The following BUB1 variants were observed in gnomAD, a reference collection of about 807,000 sequenced individuals.
The protein encoded by BUB1 is mitotic checkpoint serine/threonine-protein kinase BUB1.
BUB1 carries 84 observed loss-of-function variants against 135.2 expected under a neutral mutation model. The ratio of observed to expected loss-of-function variants is 0.62; its 90% CI spans 0.52 to 0.74. The LOEUF is 0.74. Ranked by LOEUF, BUB1 falls within the 30% of genes least tolerant of loss-of-function variation. The probability of loss-of-function intolerance (pLI) is 0.00; values close to 1 mark genes in which losing one functional copy is unlikely to be tolerated. For synonymous variants in BUB1, 403 were observed against 434.4 expected (o/e 0.93, Z 0.90); for missense variants, 1,162 against 1,288.3 (o/e 0.90, Z 1.50).
chr2:110,652,282 C>T (rs909853508), intron 17 of BUB1, among the ~76,000 whole-genome samples: 2 of 152,102 alleles, frequency 1.3e-5, no homozygotes, highest in African/African-American at 2.4e-5. Context: ...CTCAGCCTTC[C>T]GGTTCCAGCT....
chr2:110,642,956 T>C (rs1266666127), intron 19 of BUB1, among the ~76,000 whole-genome samples: 1 of 152,170 alleles, frequency 6.6e-6, no homozygotes, highest in Non-Finnish European at 1.5e-5. Context: ...CCTCCCAAAG[T>C]GTTGGGATTA....
chr2:110,642,111 T>C lies in BUB1; in HGVS notation c.2463+8A>G, dbSNP rs766243053. 2 of 1,580,974 alleles carry C rather than the reference T, an allele frequency of 1.3e-6. No homozygotes were observed. Among genetic ancestry groups the C allele is most frequent in the African/African-American group, 2.7e-5 (2 of 73,638 alleles). ...TATATCATACAAAAGACAACTCAGGTCATTTACCTTTAAAACAAATTTCTG... is the reference window on the plus strand; with the variant it reads ...TATATCATACAAAAGACAACTCAGGCCATTTACCTTTAAAACAAATTTCTG... On this transcript the variant is annotated splice_region_variant and intron_variant, in intron 20 of 24. Transcript: ENST00000302759.
intron 19 of BUB1, among the ~76,000 whole-genome samples, chr2:110,645,944 T>C (rs980833559): frequency 1.3e-5 from 2 of 151,984 alleles, no homozygotes; most frequent in African/African-American, 2.4e-5. Context: ...TGTCAAAATA[T>C]GTGAGTCAAA....
At chr2:110,659,847 T>C (rs1015901097) in intron 11 of BUB1, 131 bp downstream of exon 11, 1 of 569,180 alleles carries the variant, frequency 1.8e-6, no homozygotes, top group Non-Finnish European at 3.0e-6. Flanking sequence ...TAACCTATAC[T>C]CTAAGAATAG....
chr2:110,674,235 A>G lies in BUB1; in HGVS notation c.87-11T>C, dbSNP rs1690511086. 6.2e-7 allele frequency: 1 copy of G among 1,610,966 alleles called. No individual in the cohort carries two copies. The highest frequency in any genetic ancestry group is 1.3e-5 in the African/African-American group (1 of 74,810). Reference sequence around the variant, plus strand: ...ACCCACTGTATGTATCTAGAAAAATATGGATAATGTTAATTTTCCATGGGG... The same window carrying G: ...ACCCACTGTATGTATCTAGAAAAATGTGGATAATGTTAATTTTCCATGGGG... On this transcript the variant is annotated splice_polypyrimidine_tract_variant and intron_variant, in intron 2 of 24. Transcript: ENST00000302759.
chr2:110,652,746 A>G (rs1035349207), intron 17 of BUB1, among the ~76,000 whole-genome samples: 1 of 152,234 alleles, frequency 6.6e-6, no homozygotes, highest in African/African-American at 2.4e-5. Context: ...TTATACAAAT[A>G]AATTTATACA....
chr2:110,664,764 T>C (rs546645511), intron 9 of BUB1, among the ~76,000 whole-genome samples: 1 of 149,298 alleles, frequency 6.7e-6, no homozygotes, highest in South Asian at 2.1e-4. Flanking sequence ...TCCAAACAAA[T>C]CAGAAAAAAA....
intron 9 of BUB1, among the ~76,000 whole-genome samples, chr2:110,665,356 T>C (rs983026958): frequency 2.0e-5 from 3 of 151,968 alleles, no homozygotes; most frequent in African/African-American, 7.3e-5. Flanking sequence ...GGCAAGAGGA[T>C]CGCTTGAGCC....
chr2:110,656,991 G>T (rs1689950955), intron 15 of BUB1, 45 bp downstream of exon 15: 14 of 1,414,840 alleles, frequency 9.9e-6, no homozygotes, highest in Non-Finnish European at 1.3e-5. Context: ...GAATAAAGCG[G>T]ATGGGTTGTA....
chr2:110,678,013 C>A lies in BUB1; in HGVS notation c.-18G>T. 1 of 1,602,140 alleles carries A rather than the reference C, an allele frequency of 6.2e-7. No individual in the cohort carries two copies. Among genetic ancestry groups the A allele is most frequent in the African/African-American group, 1.3e-5 (1 of 74,800 alleles). ...GTGTCCATGGCCAGAGGACGCTGGC[C>A]GGCAGCGGCCAAACCTGAACCGCAA... On this transcript the variant is annotated 5_prime_UTR_variant, in exon 1 of 25. Transcript: ENST00000302759.
chr2:110,645,883 A>C (rs1689633042), intron 19 of BUB1, among the ~76,000 whole-genome samples: 1 of 152,060 alleles, frequency 6.6e-6, no homozygotes, highest in Non-Finnish European at 1.5e-5. Context: ...TATAATGTTA[A>C]AGGGATTAAT....
At chr2:110,656,977 G>T in intron 15 of BUB1, 59 bp downstream of exon 15, 3 of 1,268,630 alleles carry the variant, frequency 2.4e-6, no homozygotes, top group Non-Finnish European at 3.4e-6. Flanking sequence ...ATAATCATTT[G>T]GTAGAATAAA....
intron 24 of BUB1, among the ~76,000 whole-genome samples, chr2:110,639,180 G>C (rs1190222598): frequency 6.6e-6 from 1 of 151,976 alleles, no homozygotes; most frequent in Non-Finnish European, 1.5e-5. Flanking sequence ...AGCCATCCAT[G>C]TTGACAGGAA....
At chr2:110,676,903 C>T (rs1690605391) in intron 1 of BUB1, among the ~76,000 whole-genome samples, 1 of 151,814 alleles carries the variant, frequency 6.6e-6, no homozygotes, top group Non-Finnish European at 1.5e-5. Context: ...GTCATATAAA[C>T]GCATTGCTTA....
intron 15 of BUB1, 137 bp from the exon 16 acceptor site, chr2:110,656,053 C>A (rs1257463614): frequency 4.2e-6 from 3 of 721,348 alleles, no homozygotes; most frequent in Non-Finnish European, 6.6e-6. Flanking sequence ...TAATACAGCC[C>A]ACAATATCAT....
In BUB1 at chr2:110,674,288, A is replaced by T; in HGVS notation, c.86+18T>A. 1 of 1,613,944 alleles carries T rather than the reference A, an allele frequency of 6.2e-7. No individual in the cohort carries two copies. ...GTGTATAGTTTGTTTAAGGGAAATA[A>T]AATAACTAAATGCTGACCTTTCCCA... is the stretch of plus-strand genomic sequence containing the variant. On this transcript the variant is annotated intron_variant, in intron 2 of 24. Transcript: ENST00000302759.
chr2:110,651,392 A>C (rs971014845), intron 17 of BUB1, among the ~76,000 whole-genome samples: 19 of 152,330 alleles, frequency 1.2e-4, no homozygotes, highest in African/African-American at 4.6e-4. Context: ...AAAAAGTGAA[A>C]AAAAAAATTT....
rs532956783 is a variant in BUB1, at chr2:110,644,047, A to C, written c.2348-1813T>G. On this transcript the variant is annotated intron_variant, in intron 19 of 24. Transcript: ENST00000302759. ...GAAGATAGGCCAATAAAAACTTCCA[A>C]AACTGAAATGCAAAAAAAAAAAAAA... Among the ~76,000 whole-genome samples the C allele has an allele frequency of 3.3e-4, 49 of 147,102 alleles. 1 individual carries two copies. Among genetic ancestry groups the C allele is most frequent in the African/African-American group, 1.3e-3 (49 of 38,692 alleles).
intron 6 of BUB1, among the ~76,000 whole-genome samples, chr2:110,668,876 G>A (rs968180679): frequency 3.3e-5 from 5 of 149,852 alleles, no homozygotes; most frequent in African/African-American, 4.8e-5. Context: ...TAGAGGTAGC[G>A]AGGTCCCAAG....
Sources: gnomAD v4.1 joint callset for allele counts (sites outside exome capture counted in the v4.1 genomes callset) on GRCh38, gnomAD v4.1.1 for gene constraint, MANE v1.5 for transcripts, NCBI Gene and HGNC (gene_info 2026-07-23, HGNC 2026-07-21) for gene names.